The following CHD6 variants were observed in gnomAD, a reference collection of about 807,000 sequenced individuals.
CHD6 encodes ATP-dependent chromatin remodeler CHD6.
CHD6 carries 50 observed loss-of-function variants against 276.9 expected under a neutral mutation model. The observed-to-expected ratio is 0.18, with a 90% CI of 0.14 to 0.23. CHD6 has a LOEUF of 0.23. CHD6 is among the 10% of genes least tolerant of loss of function. The pLI, the probability that CHD6 is intolerant of heterozygous loss-of-function variation, is 1.00. For missense variants in CHD6, 2,564 were observed against 3,365.8 expected (o/e 0.76, Z 5.89); for synonymous variants, 1,173 against 1,229.3 (o/e 0.95, Z 0.96).
chr20:41,559,147 GACACACACACACAC>G, intron 1 of CHD6, among the ~76,000 whole-genome samples: 1 of 148,272 alleles, frequency 6.7e-6, no homozygotes, highest in East Asian at 2.0e-4. Flanking sequence ...GCCTGTTCCT[GACACACACACACAC>G]ACACACACAC....
intron 5 of CHD6, among the ~76,000 whole-genome samples, chr20:41,506,365 T>C (rs1299529273): frequency 1.3e-5 from 2 of 152,190 alleles, no homozygotes; most frequent in Non-Finnish European, 2.9e-5. Flanking sequence ...GTTTCAGTTA[T>C]CCTTGTCCAT....
chr20:41,439,697 G>A lies in CHD6; in HGVS notation c.4007+303C>T, dbSNP rs79924322. On this transcript the variant is annotated intron_variant, in intron 26 of 36. Transcript: ENST00000373233. Reference sequence around the variant, plus strand: ...CTGAATTCTCCCACAGGAATCCTCTGACCAGACAAGGGATGGACATGGTTA... The same window carrying A: ...CTGAATTCTCCCACAGGAATCCTCTAACCAGACAAGGGATGGACATGGTTA... Among the ~76,000 whole-genome samples, 202 of 152,298 alleles carry A rather than the reference G, an allele frequency of 1.3e-3. 1 individual carries two copies. The highest frequency in any genetic ancestry group is 4.7e-3 in the African/African-American group (196 of 41,550).
intron 17 of CHD6, among the ~76,000 whole-genome samples, chr20:41,471,830 C>T (rs1305755306): frequency 5.3e-5 from 8 of 152,116 alleles, no homozygotes; most frequent in African/African-American, 1.4e-4. Context: ...CCACCGTGCC[C>T]GGCCATTATT....
chr20:41,557,401 A>G (rs758286920), intron 1 of CHD6, among the ~76,000 whole-genome samples: 8 of 152,146 alleles, frequency 5.3e-5, no homozygotes, highest in Non-Finnish European at 1.2e-4. Flanking sequence ...ACATTTTGAA[A>G]GTTTTCTTTT....
intron 23 of CHD6, 37 bp downstream of exon 23, chr20:41,450,909 G>A (rs759826505): frequency 2.3e-5 from 36 of 1,585,020 alleles, no homozygotes; most frequent in Middle Eastern, 1.7e-4. Flanking sequence ...AGTCTGAGCC[G>A]GGCTGCCACC....
At chr20:41,456,472 C>A (rs968180899) in intron 18 of CHD6, among the ~76,000 whole-genome samples, 2 of 151,232 alleles carry the variant, frequency 1.3e-5, no homozygotes, top group Non-Finnish European at 1.5e-5. Context: ...TCAAAAAAAA[C>A]AGGAAATGGG....
At chr20:41,565,418 T>G (rs1236721734) in intron 1 of CHD6, among the ~76,000 whole-genome samples, 1 of 152,134 alleles carries the variant, frequency 6.6e-6, no homozygotes, top group Non-Finnish European at 1.5e-5. Context: ...TGGCCTAAGA[T>G]GCTAGAATGC....
chr20:41,511,451 T>C (rs2044116432), intron 5 of CHD6, among the ~76,000 whole-genome samples: 1 of 152,246 alleles, frequency 6.6e-6, no homozygotes, highest in African/African-American at 2.4e-5. Flanking sequence ...CTCTCCTTTC[T>C]AGTACCTCTG....
intron 2 of CHD6, among the ~76,000 whole-genome samples, chr20:41,539,684 G>A (rs1331545634): frequency 1.3e-5 from 2 of 152,074 alleles, no homozygotes; most frequent in African/African-American, 4.8e-5. Context: ...CTTTTAAACA[G>A]GGCAACTTCT....
At chr20:41,523,965 C>T (rs2044465863) in intron 3 of CHD6, among the ~76,000 whole-genome samples, 1 of 152,166 alleles carries the variant, frequency 6.6e-6, no homozygotes, top group African/African-American at 2.4e-5. Flanking sequence ...AAATATCCAT[C>T]AGAGCCTTAC....
At chr20:41,499,742 T>C (rs1177215584) in intron 5 of CHD6, among the ~76,000 whole-genome samples, 2 of 152,214 alleles carry the variant, frequency 1.3e-5, no homozygotes, top group Non-Finnish European at 2.9e-5. Flanking sequence ...CTACCAGCTA[T>C]TGACTTTAGG....
At chr20:41,569,634 T>C (rs2045395290) in intron 1 of CHD6, among the ~76,000 whole-genome samples, 1 of 152,164 alleles carries the variant, frequency 6.6e-6, no homozygotes. Flanking sequence ...CTTCTTACCA[T>C]GTATCACCTC....
At chr20:41,447,740 TC>T (rs2048114164) in intron 24 of CHD6, 141 bp downstream of exon 24, 2 of 508,578 alleles carry the variant, frequency 3.9e-6, no homozygotes, top group Non-Finnish European at 7.0e-6. Context: ...ACTTGCCTGT[TC>T]TCCCATCTGG....
At chr20:41,510,486 A>AG (rs2044092630) in intron 5 of CHD6, among the ~76,000 whole-genome samples, 1 of 152,210 alleles carries the variant, frequency 6.6e-6, no homozygotes, top group South Asian at 2.1e-4. Flanking sequence ...TGAATGTCAA[A>AG]GCCAAAACCA....
At chr20:41,501,664 A>G (rs1197544135) in intron 5 of CHD6, among the ~76,000 whole-genome samples, 1 of 152,228 alleles carries the variant, frequency 6.6e-6, no homozygotes, top group Admixed American at 6.5e-5. Flanking sequence ...ATATATAACT[A>G]GGAGAAGAAA....
chr20:41,453,285 C>CA (rs1320512081), intron 20 of CHD6, among the ~76,000 whole-genome samples: 1 of 152,178 alleles, frequency 6.6e-6, no homozygotes, highest in Non-Finnish European at 1.5e-5. Flanking sequence ...TAGTGAAGAC[C>CA]CAGCTGTTCT....
intron 3 of CHD6, among the ~76,000 whole-genome samples, chr20:41,522,374 A>T (rs1157197352): frequency 7.7e-6 from 1 of 129,840 alleles, no homozygotes. Context: ...AACCAAAAAA[A>T]CCCATTTTGT....
rs139674599 is a variant in CHD6, at chr20:41,435,361, C to T, written c.4068+1913G>A. Among the ~76,000 whole-genome samples, 63 of 152,020 alleles carry T rather than the reference C, an allele frequency of 4.1e-4. No homozygotes were observed. The East Asian group carries it at 9.9e-3, about 24-fold the overall frequency. On this transcript the variant is annotated intron_variant, in intron 27 of 36. Coordinates refer to ENST00000373233, the MANE Select transcript of CHD6 (RefSeq NM_032221.5). ...CTGTAATTCCAGCTCTTTGGGAGGC[C>T]GGGGAGGGAGGATTGCTTGAACTCA...
intron 27 of CHD6, among the ~76,000 whole-genome samples, chr20:41,433,802 A>G (rs2047618960): frequency 6.6e-6 from 1 of 152,180 alleles, no homozygotes; most frequent in African/African-American, 2.4e-5. Context: ...AGACAACTAT[A>G]TTATAAATGG....
Sources: allele counts gnomAD v4.1 joint callset (sites outside exome capture counted in the v4.1 genomes callset), GRCh38; gene constraint gnomAD v4.1.1; transcripts MANE v1.5; gene names NCBI Gene and HGNC (gene_info 2026-07-23, HGNC 2026-07-21).